The following CTBP2 variants were observed in gnomAD, a reference collection of about 807,000 sequenced individuals.
CTBP2 encodes the protein C-terminal binding protein 2.
CTBP2 carries 30 observed loss-of-function variants against 80.3 expected under a neutral mutation model. That is an observed-to-expected ratio of 0.37 (90% CI 0.28 to 0.51). The LOEUF (loss-of-function observed/expected upper bound fraction) is 0.51. Ranked by LOEUF, CTBP2 falls within the 20% of genes least tolerant of loss-of-function variation. The pLI, the probability that CTBP2 is intolerant of heterozygous loss-of-function variation, is 0.93. For missense variants in CTBP2, 1,212 were observed against 1,375.3 expected, an observed-to-expected ratio of 0.88 and a Z score of 1.88; for synonymous variants, 594 against 587.4, an observed-to-expected ratio of 1.01 and a Z score of -0.16.
intron 1 of CTBP2, among the ~76,000 whole-genome samples, chr10:125,111,972 CGA>C (rs1852358465): frequency 1.3e-5 from 2 of 151,960 alleles, no homozygotes; most frequent in African/African-American, 4.8e-5. Flanking sequence ...TCGAGCCCCA[CGA>C]GAGAGGGAAG....
chr10:125,051,698 C>A (rs1962816217), intron 2 of CTBP2, among the ~76,000 whole-genome samples: 1 of 151,842 alleles, frequency 6.6e-6, no homozygotes, highest in East Asian at 1.9e-4. Flanking sequence ...TAAATGCCCA[C>A]AGGTCACACA....
chr10:125,024,778 AGGCACAGG>A (rs1320626462), intron 1 of CTBP2, among the ~76,000 whole-genome samples: 1 of 152,250 alleles, frequency 6.6e-6, no homozygotes, highest in African/African-American at 2.4e-5. Context: ...CTGAGAGAGC[AGGCACAGG>A]CCCTCGGAAA....
intron 1 of CTBP2, among the ~76,000 whole-genome samples, chr10:125,150,999 G>A (rs1018949904): frequency 6.6e-6 from 1 of 151,476 alleles, no homozygotes; most frequent in African/African-American, 2.4e-5. Context: ...AGGCACAGGT[G>A]ATAGTTAGTC....
chr10:125,095,888 G>A (rs1041327263), intron 2 of CTBP2, among the ~76,000 whole-genome samples: 1 of 152,192 alleles, frequency 6.6e-6, no homozygotes, highest in Non-Finnish European at 1.5e-5. Context: ...GCCTTGCTAA[G>A]GCCCAATGGT....
chr10:125,078,666 C>T (rs1039831315), intron 2 of CTBP2, among the ~76,000 whole-genome samples: 7 of 152,052 alleles, frequency 4.6e-5, no homozygotes, highest in Non-Finnish European at 1.0e-4. Flanking sequence ...GCTCTGGAGG[C>T]GGAGCAATCA....
chr10:125,090,038 C>T (rs953723555), intron 2 of CTBP2, among the ~76,000 whole-genome samples: 6 of 152,120 alleles, frequency 3.9e-5, no homozygotes, highest in African/African-American at 1.2e-4. Flanking sequence ...TTGAAGATCA[C>T]GGCCAAAGCT....
chr10:125,040,352 G>A (rs1325408451), intron 2 of CTBP2, among the ~76,000 whole-genome samples: 2 of 151,524 alleles, frequency 1.3e-5, no homozygotes, highest in Non-Finnish European at 2.9e-5. Flanking sequence ...CTACTTGGGA[G>A]GCTGAGGCAA....
chr10:125,089,647 G>A (rs779661661), intron 2 of CTBP2, among the ~76,000 whole-genome samples: 10 of 152,198 alleles, frequency 6.6e-5, no homozygotes, highest in Non-Finnish European at 7.3e-5. Flanking sequence ...GCAGGCGAGA[G>A]CAGCTGGGGA....
rs564924508 is a variant in CTBP2, at chr10:125,038,876, G to A, written c.58+121C>T. On this transcript the variant is annotated intron_variant, in intron 3 of 10. Coordinates refer to the CTBP2 transcript ENST00000337195. The stretch of plus-strand genomic sequence containing the variant: ...GCAGAGGGTGCCAATGGTATGCAGT[G>A]TTGGAATCGGAGGAGGGACTCTGGC... 413 of 972,182 alleles carry A rather than the reference G, an allele frequency of 4.2e-4. 4 individuals carry two copies. The East Asian group carries it at 6.9e-3, about 16-fold the overall frequency. 60.2% of individuals were successfully genotyped at this position (972,182 alleles called of 1,614,324 possible). A position where few individuals can be genotyped will look rare whatever the true frequency, so the allele number is the denominator to read the frequency against.
At chr10:125,030,947 T>C (rs1958116443), upstream of CTBP2, among the ~76,000 whole-genome samples, 1 of 152,090 alleles carries the variant, frequency 6.6e-6, no homozygotes, top group African/African-American at 2.4e-5. Context: ...GGAAATAACA[T>C]CTCAGGAGGC....
chr10:125,009,708 G>C (rs78235974), intron 1 of CTBP2, among the ~76,000 whole-genome samples: 2,102 of 152,274 alleles, frequency 0.014, 49 homozygotes, highest in African/African-American at 0.048. Context: ...ACAGGGCCAA[G>C]CTGGGGGCCA....
intron 2 of CTBP2, among the ~76,000 whole-genome samples, chr10:125,079,678 C>A (rs1846878744): frequency 6.6e-6 from 1 of 152,174 alleles, no homozygotes; most frequent in Non-Finnish European, 1.5e-5. Context: ...ATAACCTATT[C>A]CCACAGGAAA....
chr10:125,161,440 T>C (rs1344447668), upstream of CTBP2, among the ~76,000 whole-genome samples: 2 of 151,378 alleles, frequency 1.3e-5, no homozygotes, highest in East Asian at 4.0e-4. Flanking sequence ...CCCGGTCCCA[T>C]GGGGCCCCGC....
chr10:125,150,230 G>A (rs1859581454), intron 1 of CTBP2, among the ~76,000 whole-genome samples: 1 of 152,210 alleles, frequency 6.6e-6, no homozygotes, highest in Non-Finnish European at 1.5e-5. Context: ...ATGGGGGGTG[G>A]AGGGCAACTG....
chr10:125,074,805 C>G (rs1846041430), intron 2 of CTBP2, among the ~76,000 whole-genome samples: 1 of 152,248 alleles, frequency 6.6e-6, no homozygotes. Context: ...GGACCCCACA[C>G]ATCACTCAGG....
chr10:125,074,258 A>C (rs750376165), intron 2 of CTBP2, among the ~76,000 whole-genome samples: 1 of 152,212 alleles, frequency 6.6e-6, no homozygotes, highest in Non-Finnish European at 1.5e-5. Flanking sequence ...CAGGGCAACA[A>C]GGATCCCCTG....
rs759102800 is a variant in CTBP2 at position 124,992,781 on chromosome 10, C to G, written c.2691G>C (p.Val897=). ...CTGATGTGACAAAGAATTCCTTGTT[C>G]ACACAATTTCTTAAGCTTTCTGGGA... The change falls in exon 8 of 9, where the codon GTG becomes GTC. Residue 897 remains valine (V), a synonymous_variant. Coordinates refer to ENST00000309035, the MANE Select transcript of CTBP2 (RefSeq NM_022802.3). 81 of 1,611,186 alleles carry G rather than the reference C, an allele frequency of 5.0e-5. No homozygotes were observed. The South Asian group carries it at 8.2e-4, about 16-fold the overall frequency.
At chr10:125,026,004 A>G (rs1408435898) in intron 1 of CTBP2, 1 of 1,502,018 alleles carries the variant, frequency 6.7e-7, no homozygotes, top group Non-Finnish European at 8.9e-7. Context: ...TTGCCATCCT[A>G]TGTTCAAACT....
intron 1 of CTBP2, among the ~76,000 whole-genome samples, chr10:125,151,855 G>A (rs1044395476): frequency 1.1e-4 from 16 of 152,278 alleles, no homozygotes; most frequent in Non-Finnish European, 1.2e-4. Context: ...CCGCCGCCCC[G>A]GGTCCGAGCG....
Sources: allele counts gnomAD v4.1 joint callset (sites outside exome capture counted in the v4.1 genomes callset), GRCh38; gene constraint gnomAD v4.1.1; transcripts MANE v1.5; gene names NCBI Gene and HGNC (gene_info 2026-07-23, HGNC 2026-07-21).